The following ATG7 variants were observed in gnomAD, a reference collection of about 807,000 sequenced individuals.
The protein encoded by ATG7 is autophagy related 7.
In ATG7, 70 loss-of-function variants were observed where a neutral mutation model predicts 82.4. The observed-to-expected ratio is 0.85, with a 90% CI of 0.70 to 1.04. ATG7 has a LOEUF of 1.04. Ranked by LOEUF, ATG7 falls within the 50% of genes least tolerant of loss-of-function variation. ATG7 has a pLI of 0.00. For missense variants in ATG7, 792 were observed against 864.3 expected (o/e 0.92, Z 1.05); for synonymous variants, 287 against 313.0 (o/e 0.92, Z 0.88).
chr3:11,320,937 G>T (rs1950133273), intron 9 of ATG7, among the ~76,000 whole-genome samples: 1 of 152,200 alleles, frequency 6.6e-6, no homozygotes, highest in African/African-American at 2.4e-5. Flanking sequence ...TTCCCAAATT[G>T]TCTGTACACC....
chr3:11,422,917 G>A (rs562150186), intron 19 of ATG7, among the ~76,000 whole-genome samples: 3 of 151,982 alleles, frequency 2.0e-5, no homozygotes, highest in Non-Finnish European at 4.4e-5. Flanking sequence ...ACTATGCCCA[G>A]CTAATGTTTG....
chr3:11,405,322 TG>T (rs2080226524), intron 19 of ATG7, among the ~76,000 whole-genome samples: 1 of 152,062 alleles, frequency 6.6e-6, no homozygotes, highest in African/African-American at 2.4e-5. Flanking sequence ...GTTTTCACTG[TG>T]ATTATGTGTT....
chr3:11,452,592 G>A (rs558728366), intron 20 of ATG7, among the ~76,000 whole-genome samples: 5 of 152,158 alleles, frequency 3.3e-5, no homozygotes, highest in East Asian at 1.9e-4. Context: ...AGCAAACAGC[G>A]TGGTAGGGAA....
intron 5 of ATG7, among the ~76,000 whole-genome samples, chr3:11,304,225 G>A (rs1405746354): frequency 6.6e-6 from 1 of 152,208 alleles, no homozygotes; most frequent in Non-Finnish European, 1.5e-5. Context: ...TCGTGTGTGG[G>A]GCAGAGGCTG....
At chr3:11,480,414 A>G (rs1400944691) in intron 20 of ATG7, among the ~76,000 whole-genome samples, 2 of 152,022 alleles carry the variant, frequency 1.3e-5, no homozygotes, top group South Asian at 2.1e-4. Context: ...GTGCATGCCT[A>G]TAGTCCCAGG....
At chr3:11,529,360 C>T (rs1260982475) in intron 20 of ATG7, 1 of 152,194 alleles carries the variant, frequency 6.6e-6, no homozygotes, top group Non-Finnish European at 1.5e-5. Flanking sequence ...CTGCTTGCCC[C>T]TCCTACCACA....
chr3:11,303,313 G>T (rs1407617124), intron 5 of ATG7, among the ~76,000 whole-genome samples: 1 of 152,190 alleles, frequency 6.6e-6, no homozygotes, highest in Non-Finnish European at 1.5e-5. Context: ...TTCTGTTTCT[G>T]TTGACAAGGA....
In ATG7 at chr3:11,512,719, C is replaced by G. The variant is rs146748390; in HGVS notation, c.2080-42092C>G. Among the ~76,000 whole-genome samples the G allele has an allele frequency of 1.1e-3, 169 of 152,268 alleles. 2 individuals are homozygous for G. The East Asian group carries it at 0.029, about 26-fold the overall frequency. ...TGTGGACCCAAAGAGTGAGCAGTAG[C>G]AAGATTTATTGCAAAGAGCTAAAGA... On this transcript the variant is annotated intron_variant, in intron 20 of 20. Transcript: ENST00000693202.
At chr3:11,570,346 G>A in the ATG7 span, among the ~76,000 whole-genome samples, 1 of 152,118 alleles carries the variant, frequency 6.6e-6, no homozygotes, top group African/African-American at 2.4e-5. Context: ...CAGAGACACA[G>A]GAAAGGAGCA....
intron 3 of ATG7, among the ~76,000 whole-genome samples, chr3:11,292,254 CT>C (rs57610397): frequency 1.8e-3 from 246 of 138,790 alleles, no homozygotes; most frequent in Middle Eastern, 3.8e-3. Context: ...TTCTTTCTTT[CT>C]TTTTTTTTTT....
At chr3:11,496,507 A>T (rs560818396) in intron 20 of ATG7, among the ~76,000 whole-genome samples, 1 of 152,264 alleles carries the variant, frequency 6.6e-6, no homozygotes, top group Admixed American at 6.5e-5. Flanking sequence ...CTCTTCTCTG[A>T]GGGCTGCTGA....
At chr3:11,348,091 G>T in intron 14 of ATG7, 56 bp downstream of exon 14, 1 of 1,540,074 alleles carries the variant, frequency 6.5e-7, no homozygotes, top group South Asian at 1.3e-5. Flanking sequence ...TTTAAGTCTT[G>T]GGAAATGAGG....
chr3:11,519,993 C>G (rs898216036), intron 20 of ATG7, among the ~76,000 whole-genome samples: 1 of 152,142 alleles, frequency 6.6e-6, no homozygotes, highest in Non-Finnish European at 1.5e-5. Flanking sequence ...TTTGGGGCCA[C>G]CTTCATACAG....
intron 17 of ATG7, 103 bp from the exon 18 acceptor site, chr3:11,364,556 A>G: frequency 7.6e-7 from 1 of 1,314,554 alleles, no homozygotes; most frequent in East Asian, 2.3e-5. Flanking sequence ...AGCAAGGGGC[A>G]TTTTAGTTAT....
At chr3:11,466,598 A>G (rs2086851030) in intron 20 of ATG7, among the ~76,000 whole-genome samples, 4 of 152,230 alleles carry the variant, frequency 2.6e-5, no homozygotes, top group Admixed American at 2.0e-4. Context: ...CGGTGCTTAT[A>G]AGTTCCATTA....
chr3:11,532,153 CA>C (rs1237732333), intron 20 of ATG7, among the ~76,000 whole-genome samples: 1 of 152,160 alleles, frequency 6.6e-6, no homozygotes, highest in Non-Finnish European at 1.5e-5. Flanking sequence ...TCCTAAGAGT[CA>C]AAAGAAGATT....
intron 20 of ATG7, among the ~76,000 whole-genome samples, chr3:11,547,188 A>C (rs529821080): frequency 3.3e-5 from 5 of 152,318 alleles, no homozygotes; most frequent in African/African-American, 1.2e-4. Context: ...TAGTGAGAGA[A>C]AGTGGAAAAG....
chr3:11,365,445 T>A (rs1237191322), intron 18 of ATG7, among the ~76,000 whole-genome samples: 1 of 152,228 alleles, frequency 6.6e-6, no homozygotes, highest in Non-Finnish European at 1.5e-5. Context: ...TCATGTTGCC[T>A]CTTCAGTCAT....
At chr3:11,350,223 G>T (rs1306195391) in intron 14 of ATG7, among the ~76,000 whole-genome samples, 3 of 152,182 alleles carry the variant, frequency 2.0e-5, no homozygotes, top group African/African-American at 7.2e-5. Flanking sequence ...GGGTTTAACA[G>T]TATTAATTGA....
Sources: gnomAD v4.1 joint callset for allele counts (sites outside exome capture counted in the v4.1 genomes callset) on GRCh38, gnomAD v4.1.1 for gene constraint, MANE v1.5 for transcripts, NCBI Gene and HGNC (gene_info 2026-07-23, HGNC 2026-07-21) for gene names.